The following BTK variants were observed in gnomAD, a reference collection of about 807,000 sequenced individuals.
BTK encodes the protein Bruton tyrosine kinase, also known as tyrosine-protein kinase BTK.
BTK carries 5 observed loss-of-function variants against 57.4 expected under a neutral mutation model. The ratio of observed to expected loss-of-function variants is 0.09; its 90% confidence interval spans 0.05 to 0.18. The LOEUF is 0.18. BTK is among the 10% of genes least tolerant of loss of function. BTK has a pLI of 1.00. For synonymous variants in BTK, 154 were observed against 174.3 expected (o/e 0.88, Z 0.92); for missense variants, 194 against 501.2 (o/e 0.39, Z 5.85).
chrX:101,350,561 C>T (rs1376820298), intron 18 of BTK, among the ~76,000 whole-genome samples: 3 of 108,818 alleles, frequency 2.8e-5, no homozygotes, highest in African/African-American at 6.7e-5. Context: ...ATTTTCCTGC[C>T]TCAGCCTCCC....
At chrX:101,356,390 T>G in intron 14 of BTK, 122 bp from the exon 15 acceptor site, 1 of 583,171 alleles carries the variant, frequency 1.7e-6, no homozygotes, top group South Asian at 2.8e-5. Context: ...ACCAGCAAGT[T>G]TATTTTCCTC....
intron 1 of BTK, among the ~76,000 whole-genome samples, chrX:101,380,299 G>A (rs1170444146): frequency 9.0e-6 from 1 of 110,898 alleles, no homozygotes; most frequent in African/African-American, 3.3e-5. Flanking sequence ...TAGAGACACG[G>A]GTCTCACTTT....
chrX:101,354,725 C>G, intron 15 of BTK, 31 bp from the exon 16 acceptor site: 4 of 1,188,009 alleles, frequency 3.4e-6, no homozygotes, highest in Non-Finnish European at 4.6e-6. Flanking sequence ...AGTGAGACTC[C>G]GTCCCCAGCA....
rs1926696938 is a variant in BTK, at chrX:101,362,255, G to A, written c.521-15C>T. The A allele has an allele frequency of 8.3e-7, 1 of 1,207,885 alleles. No individual in the cohort carries two copies. The highest frequency in any genetic ancestry group is 1.8e-5 in the South Asian group (1 of 56,847). On this transcript the variant is annotated splice_polypyrimidine_tract_variant and intron_variant, in intron 6 of 18. Transcript: ENST00000308731. ...AGGTTTTAAGCCTGCAAAACAAGAA[G>A]CCAGTGATGATATGGAATGCACTTT...
At chrX:101,353,070 T>TAAAA in intron 18 of BTK, 124 bp downstream of exon 18, 2 of 592,799 alleles carry the variant, frequency 3.4e-6, no homozygotes, top group Non-Finnish European at 5.1e-6. Flanking sequence ...TGTCTCAAAT[T>TAAAA]AAAAAAAAAA....
intron 3 of BTK, chrX:101,374,226 T>G (rs1257330217): frequency 7.0e-6 from 2 of 284,056 alleles, no homozygotes; most frequent in African/African-American, 5.5e-5. Flanking sequence ...CAGACTTACT[T>G]AAGCCTCTAA....
Position 101,362,706 on chromosome X carries a change from G to T in BTK, c.392-17C>A. On this transcript the variant is annotated splice_polypyrimidine_tract_variant and intron_variant, in intron 5 of 18. Coordinates refer to ENST00000308731, the MANE Select transcript of BTK (RefSeq NM_000061.3). ...ACCGGATTACTGTAGCAGGAAAGAAGAGAGAGATCACATCTGACATGGAGG... is the reference window on the plus strand; with the variant it reads ...ACCGGATTACTGTAGCAGGAAAGAATAGAGAGATCACATCTGACATGGAGG... 1 of 1,211,542 alleles carries T rather than the reference G, an allele frequency of 8.3e-7. No homozygotes were observed. Among genetic ancestry groups the T allele is most frequent in the Non-Finnish European group, 1.1e-6 (1 of 895,208 alleles).
In BTK at chrX:101,353,349, C is replaced by A; in HGVS notation, c.1753G>T (p.Val585Phe). The A allele has an allele frequency of 8.3e-7, 1 of 1,210,584 alleles. No homozygotes were observed. Among genetic ancestry groups the A allele is most frequent in the Non-Finnish European group, 1.1e-6 (1 of 894,627 alleles). ...SSKSDIWAFG[V>F]LMWEIYSLGK... ...AGGGAGTAAATTTCCCACATCAAAA[C>A]CCCTAGAAGGTGAAAAAAATTATTA... Residue 585 changes from valine to phenylalanine, a missense_variant and splice_region_variant, in exon 18 of 19, where the codon GTT becomes TTT. Val to Phe is a conservative substitution (Grantham distance 50, BLOSUM62 -1). Coordinates refer to ENST00000308731, the MANE Select transcript of BTK (RefSeq NM_000061.3).
chrX:101,382,533 G>A (rs1036480773), intron 1 of BTK, among the ~76,000 whole-genome samples: 12 of 110,116 alleles, frequency 1.1e-4, no homozygotes, highest in African/African-American at 2.6e-4. Context: ...GAGCCACCGC[G>A]CCTGGCCTTA....
chrX:101,382,658 G>A (rs1425203491), intron 1 of BTK, among the ~76,000 whole-genome samples: 1 of 111,351 alleles, frequency 9.0e-6, no homozygotes, highest in Non-Finnish European at 1.9e-5. Context: ...AACTGATGAT[G>A]GAAGGAGAGC....
In BTK at chrX:101,358,719, G is replaced by C. The variant is rs1603006639; in HGVS notation, c.895-23C>G. ...CCCCTGAAACAACGAAAAAGAAGCT[G>C]TCTGTAGGAGGAAGTGGTGCTCACA... On this transcript the variant is annotated intron_variant, in intron 10 of 18. Transcript: ENST00000308731. 2.8e-5 allele frequency: 33 copies of C among 1,161,033 alleles called. 2 individuals are homozygous for C. The highest frequency in any genetic ancestry group is 2.5e-4 in the African/African-American group (14 of 56,926).
rs782669429 is a variant in BTK, at chrX:101,369,553, A to T, written c.391+445T>A. Among the ~76,000 whole-genome samples the T allele has an allele frequency of 1.4e-3, 159 of 111,876 alleles. 1 individual carries two copies. Among genetic ancestry groups the T allele is most frequent in the African/African-American group, 4.7e-3 (144 of 30,849 alleles). ...TGAATGCCACACCACCCTTGTATTC[A>T]GTGCAAAAAATGGGACTTTTCTTAA... is the stretch of plus-strand genomic sequence containing the variant. On this transcript the variant is annotated intron_variant, in intron 5 of 18. Transcript: ENST00000308731.
chrX:101,374,496 A>G lies in BTK; in HGVS notation c.240+40T>C, dbSNP rs782222174. On this transcript the variant is annotated intron_variant, in intron 3 of 18. Transcript: ENST00000308731. ...AATTTAAATGTTGCAAATTTCTTCA[A>G]ATCTGCTGTTCCCCATCTCAGACAT... 5.5e-6 allele frequency: 6 copies of G among 1,099,782 alleles called. No homozygotes were observed. In the South Asian group the frequency reaches 5.5e-5, roughly 10 times the overall value. 90.6% of individuals were successfully genotyped at this position (1,099,782 alleles called of 1,213,427 possible). A position where few individuals can be genotyped will look rare whatever the true frequency, so the allele number is the denominator to read the frequency against.
chrX:101,362,196 G>C lies in BTK; in HGVS notation c.565C>G (p.Pro189Ala), dbSNP rs1926693183. 8.3e-7 allele frequency: 1 copy of C among 1,210,189 alleles called. No individual in the cohort carries two copies. The highest frequency in any genetic ancestry group is 2.2e-5 in the Admixed American group (1 of 45,794). Residue 189 changes from proline (P) to alanine (A), a missense_variant, in exon 7 of 19, where the codon CCC becomes GCC. This residue lies in a region of BTK where 115 missense variants were observed against 258.3 expected (regional missense o/e 0.45). Coordinates refer to ENST00000308731, the MANE Select transcript of BTK (RefSeq NM_000061.3). Reference protein sequence around the residue: ...SSHRKTKKPLPPTPEEDQILK... With the variant: ...SSHRKTKKPLAPTPEEDQILK... ...ACCTGGTCCTCCTCAGGCGTTGGGG[G>C]AAGAGGCTTTTTTGTCTTCCGGTGA...
upstream of BTK, among the ~76,000 whole-genome samples, chrX:101,386,375 C>A (rs1271158903): frequency 9.0e-6 from 1 of 110,837 alleles, no homozygotes; most frequent in Non-Finnish European, 1.9e-5. Context: ...TTGAGTCTAT[C>A]TTTGAAAGAA....
chrX:101,371,596 G>A, intron 4 of BTK, 37 bp downstream of exon 4: 2 of 1,139,848 alleles, frequency 1.8e-6, no homozygotes, highest in Non-Finnish European at 2.4e-6. Flanking sequence ...TTGTGTTACA[G>A]GGGCCTTTCG....
intron 9 of BTK, among the ~76,000 whole-genome samples, chrX:101,359,567 G>A (rs935388832): frequency 8.1e-5 from 9 of 111,716 alleles, no homozygotes; most frequent in Admixed American, 3.8e-4. Context: ...GCAAGCAGCA[G>A]GGAGTTGCAG....
intron 1 of BTK, among the ~76,000 whole-genome samples, chrX:101,383,532 C>T (rs1555982088): frequency 9.2e-6 from 1 of 108,782 alleles, no homozygotes; most frequent in Admixed American, 9.8e-5. Flanking sequence ...TTACTGCAGA[C>T]AAATCTTTTT....
upstream of BTK, among the ~76,000 whole-genome samples, chrX:101,389,255 A>G (rs372873832): frequency 2.7e-5 from 3 of 111,501 alleles, no homozygotes; most frequent in African/African-American, 9.8e-5. Flanking sequence ...AATTTTTGTC[A>G]ATTAAATATT....
Sources: allele counts gnomAD v4.1 joint callset (sites outside exome capture counted in the v4.1 genomes callset), GRCh38; gene constraint gnomAD v4.1.1; regional missense constraint gnomAD v4.1.1; transcripts MANE v1.5; gene names NCBI Gene and HGNC (gene_info 2026-07-23, HGNC 2026-07-21).